LPCAT2: variants seen among roughly 807,000 people sequenced by gnomAD.
The protein encoded by LPCAT2 is 1-AGP acyltransferase 11.
In LPCAT2, 58 loss-of-function variants were observed where a neutral mutation model predicts 64.7. That is an observed-to-expected ratio of 0.90 (90% CI 0.73 to 1.12). The LOEUF is 1.12. Among genes scored for constraint, LPCAT2 ranks in the 50% most tolerant of loss-of-function variants. The probability of loss-of-function intolerance (pLI) is 0.00; values close to 1 mark genes in which losing one functional copy is unlikely to be tolerated. For missense variants in LPCAT2, 579 were observed against 669.8 expected (o/e 0.86, Z 1.50); for synonymous variants, 252 against 245.3 (o/e 1.03, Z -0.26).
chr16:55,580,569 T>A lies in LPCAT2; in HGVS notation c.1450+1325T>A, dbSNP rs575728818. On this transcript the variant is annotated intron_variant, in intron 13 of 13. Transcript: ENST00000262134. ...TTCCCAATATTAGGCAAATCTGCTA[T>A]TTTTTTCAAGAATGTTTGAAGTATT... Among the ~76,000 whole-genome samples, 289 of 152,300 alleles carry A rather than the reference T, an allele frequency of 1.9e-3. 1 individual carries two copies. Among genetic ancestry groups the A allele is most frequent in the Non-Finnish European group, 3.5e-3 (236 of 68,016 alleles).
intron 11 of LPCAT2, among the ~76,000 whole-genome samples, chr16:55,562,575 G>C (rs1963648294): frequency 2.0e-5 from 3 of 151,828 alleles, no homozygotes; most frequent in African/African-American, 7.2e-5. Flanking sequence ...AGTATTGATA[G>C]TAGAAATGTG....
Position 55,583,021 on chromosome 16 carries a change from A to G in LPCAT2, c.1558A>G (p.Thr520Ala). ...GTTTTCATTACCAAAAGAAGTCCAG[A>G]CAACCCCCTCCACCGCCAGTAATAA... Reference protein sequence around the residue: ...HVFSLPKEVQTTPSTASNKVS... With the variant: ...HVFSLPKEVQATPSTASNKVS... Residue 520 changes from threonine (T) to alanine (A), a missense_variant, in exon 14 of 14, where the codon ACA becomes GCA. Physicochemically the swap from Thr to Ala is moderately conservative, Grantham distance 58. Transcript: ENST00000262134. The G allele has an allele frequency of 6.2e-7, 1 of 1,613,902 alleles. No homozygotes were observed. Among genetic ancestry groups the G allele is most frequent in the Non-Finnish European group, 8.5e-7 (1 of 1,179,854 alleles).
chr16:55,581,097 A>G (rs1432917705), intron 13 of LPCAT2, among the ~76,000 whole-genome samples: 1 of 152,194 alleles, frequency 6.6e-6, no homozygotes, highest in African/African-American at 2.4e-5. Flanking sequence ...CAATCACAGG[A>G]CTTCCAGCAA....
chr16:55,526,627 C>G (rs185913403), intron 2 of LPCAT2, among the ~76,000 whole-genome samples: 1 of 152,232 alleles, frequency 6.6e-6, no homozygotes, highest in East Asian at 1.9e-4. Context: ...TCAGTTCTTG[C>G]AAATCATACT....
At chr16:55,517,279 A>G (rs1464109061) in intron 1 of LPCAT2, among the ~76,000 whole-genome samples, 2 of 152,184 alleles carry the variant, frequency 1.3e-5, no homozygotes, top group African/African-American at 4.8e-5. Flanking sequence ...GACACAAAAT[A>G]CCAAAACTGA....
At chr16:55,511,208 A>G (rs749340160) in intron 1 of LPCAT2, among the ~76,000 whole-genome samples, 1 of 152,212 alleles carries the variant, frequency 6.6e-6, no homozygotes, top group Non-Finnish European at 1.5e-5. Context: ...TATCCTATAT[A>G]TTTTCTACAA....
chr16:55,546,589 C>T (rs1284084841), intron 9 of LPCAT2, among the ~76,000 whole-genome samples: 1 of 152,008 alleles, frequency 6.6e-6, no homozygotes, highest in African/African-American at 2.4e-5. Context: ...ATATAGCCAG[C>T]CATGTATATG....
intron 7 of LPCAT2, among the ~76,000 whole-genome samples, chr16:55,537,367 G>T (rs1338017087): frequency 6.6e-6 from 1 of 151,122 alleles, no homozygotes; most frequent in Non-Finnish European, 1.5e-5. Context: ...CTCCAGACTG[G>T]GTGACGGAGT....
At chr16:55,513,737 A>G (rs1212467064) in intron 1 of LPCAT2, among the ~76,000 whole-genome samples, 1 of 152,190 alleles carries the variant, frequency 6.6e-6, no homozygotes, top group Non-Finnish European at 1.5e-5. Context: ...GTCAGCCACT[A>G]GAGGGGGAAA....
At chr16:55,577,049 G>C (rs768259) in intron 12 of LPCAT2, among the ~76,000 whole-genome samples, 2 of 151,920 alleles carry the variant, frequency 1.3e-5, no homozygotes, top group Non-Finnish European at 2.9e-5. Flanking sequence ...GAGGGAGCTA[G>C]GACTGAGTCC....
At chr16:55,559,906 C>T (rs917669304) in intron 11 of LPCAT2, among the ~76,000 whole-genome samples, 4 of 152,066 alleles carry the variant, frequency 2.6e-5, no homozygotes, top group Non-Finnish European at 5.9e-5. Context: ...CTTAGCTCCT[C>T]CATTTAGTCC....
intron 1 of LPCAT2, among the ~76,000 whole-genome samples, chr16:55,524,731 C>T (rs1473072222): frequency 6.6e-6 from 1 of 151,942 alleles, no homozygotes; most frequent in Non-Finnish European, 1.5e-5. Flanking sequence ...CTATTTTACT[C>T]AAAAGGCAGT....
chr16:55,529,812 G>A, intron 3 of LPCAT2, 23 bp from the exon 4 acceptor site: 4 of 1,527,816 alleles, frequency 2.6e-6, no homozygotes, highest in Admixed American at 1.9e-5. Context: ...TGGCTTGCCT[G>A]TAACTTTTCA....
chr16:55,572,803 G>A (rs900680487), intron 11 of LPCAT2, among the ~76,000 whole-genome samples: 2 of 152,178 alleles, frequency 1.3e-5, no homozygotes, highest in South Asian at 2.1e-4. Context: ...ACTGCACTCC[G>A]GCCTGGGCAA....
rs773926256 is a variant in LPCAT2, at chr16:55,549,388, T to C, written c.1047T>C (p.Ile349=). The part of the protein sequence containing the change: ...MEAGLVEFTK[I]SRKLKLDWDG... ...CTGGGCTGGTGGAATTTACTAAAAT[T>C]AGCCGAAAATTGAAGTAAGTGTATT... is the stretch of plus-strand genomic sequence containing the variant. Residue 349 remains isoleucine (I), a synonymous_variant, in exon 10 of 14, where the codon ATT becomes ATC. Transcript: ENST00000262134. 10 of 1,589,500 alleles carry C rather than the reference T, an allele frequency of 6.3e-6. No individual in the cohort carries two copies. Among genetic ancestry groups the C allele is most frequent in the Non-Finnish European group, 8.5e-6 (10 of 1,173,430 alleles).
chr16:55,568,599 A>G (rs551476263), intron 11 of LPCAT2, among the ~76,000 whole-genome samples: 8 of 152,276 alleles, frequency 5.3e-5, no homozygotes, highest in African/African-American at 1.9e-4. Flanking sequence ...GACTTTTTAG[A>G]GGTGGGGCCC....
Position 55,537,449 on chromosome 16 carries a change from C to G in LPCAT2, c.798-129C>G, listed in dbSNP as rs1963338133. 7.5e-6 allele frequency: 5 copies of G among 663,946 alleles called. No homozygotes were observed. The Admixed American group carries it at 1.5e-4, about 19-fold the overall frequency. 41.1% of individuals were successfully genotyped at this position (663,946 alleles called of 1,614,324 possible). A position where few individuals can be genotyped will look rare whatever the true frequency, so the allele number is the denominator to read the frequency against. ...AAAAAGTGTTATAGCTGCAGTGTAG[C>G]ATTTATAAATGCAAAATATATGTGA... On this transcript the variant is annotated intron_variant, in intron 7 of 13. Coordinates refer to ENST00000262134, the MANE Select transcript of LPCAT2 (RefSeq NM_017839.5).
intron 13 of LPCAT2, among the ~76,000 whole-genome samples, chr16:55,580,771 A>G (rs1345651602): frequency 2.0e-5 from 3 of 152,152 alleles, no homozygotes; most frequent in Non-Finnish European, 4.4e-5. Flanking sequence ...CAGGCGAGTG[A>G]GCATTAGAGC....
At chr16:55,545,542 A>C (rs1169936428) in intron 8 of LPCAT2, 193 bp from the exon 9 acceptor site, 1 of 458,796 alleles carries the variant, frequency 2.2e-6, no homozygotes, top group Admixed American at 4.0e-5. Context: ...ATGACATACT[A>C]GTTAACACAC....
Sources: allele counts gnomAD v4.1 joint callset (sites outside exome capture counted in the v4.1 genomes callset), GRCh38; gene constraint gnomAD v4.1.1; transcripts MANE v1.5; gene names NCBI Gene and HGNC (gene_info 2026-07-23, HGNC 2026-07-21).